The following TNIK variants were observed in gnomAD, a reference collection of about 807,000 sequenced individuals.
TNIK encodes TRAF2 and NCK interacting kinase, also known as TRAF2 and NCK-interacting protein kinase.
In TNIK, 49 loss-of-function variants were observed where a neutral mutation model predicts 191.3. The ratio of observed to expected loss-of-function variants is 0.26; its 90% CI spans 0.20 to 0.32. The LOEUF is 0.32. Among genes scored for constraint, TNIK ranks in the 10% least tolerant of loss-of-function variants. TNIK has a pLI of 1.00. For synonymous variants in TNIK, 594 were observed against 600.9 expected (o/e 0.99, Z 0.17); for missense variants, 1,155 against 1,702.3 (o/e 0.68, Z 5.66).
intron 2 of TNIK, among the ~76,000 whole-genome samples, chr3:171,340,267 A>G (rs1757386270): frequency 6.6e-6 from 1 of 152,200 alleles, no homozygotes; most frequent in Non-Finnish European, 1.5e-5. Context: ...TCATTTTTCT[A>G]CATATTTCTA....
chr3:171,092,149 T>G (rs1175284249), intron 23 of TNIK, among the ~76,000 whole-genome samples: 2 of 151,920 alleles, frequency 1.3e-5, no homozygotes, highest in East Asian at 3.9e-4. Flanking sequence ...GGGATTTCAC[T>G]GTGTTAGCCA....
At chr3:171,449,323 G>A (rs1450617103) in intron 1 of TNIK, among the ~76,000 whole-genome samples, 6 of 152,112 alleles carry the variant, frequency 3.9e-5, no homozygotes, top group Non-Finnish European at 8.8e-5. Context: ...TTGAGGAATC[G>A]CCACACCGTC....
Position 171,157,492 on chromosome 3 carries a change from C to T in TNIK, c.1189G>A (p.Glu397Lys), listed in dbSNP as rs867528587. The part of the protein sequence containing the change: ...LLAERQKRIE[E>K]QKEQRRRLEE... ...AGCCGCCGCCTCTGCTCTTTCTGCT[C>T]CTCGATGCGCTTCTGACGCTCGGCC... Residue 397 changes from glutamate to lysine, a missense_variant, in exon 12 of 33, where the codon GAG becomes AAG. Transcript: ENST00000436636. 1 of 1,574,150 alleles carries T rather than the reference C, an allele frequency of 6.4e-7. No individual in the cohort carries two copies. The highest frequency in any genetic ancestry group is 8.6e-7 in the Non-Finnish European group (1 of 1,160,368).
intron 12 of TNIK, among the ~76,000 whole-genome samples, chr3:171,155,470 G>A (rs891900794): frequency 1.3e-5 from 2 of 152,266 alleles, no homozygotes; most frequent in Admixed American, 1.3e-4. Context: ...CTTCTGGTAT[G>A]GAGCCAAGGC....
At position 171,228,019 on chromosome 3, in the gene TNIK, C is replaced by G. The variant is rs1405976210; in HGVS notation, c.180+146G>C. On this transcript the variant is annotated intron_variant, in intron 3 of 32. Coordinates refer to ENST00000436636, the MANE Select transcript of TNIK (RefSeq NM_015028.4). ...CATGTTTAAGGTAGGCTAGGCTAAG[C>G]TATGATGTTCAACAGGTTATGTGTA... 1.4e-5 allele frequency: 12 copies of G among 888,746 alleles called. No individual in the cohort carries two copies. The Admixed American group carries it at 2.7e-4, about 20-fold the overall frequency. 55.1% of individuals were successfully genotyped at this position (888,746 alleles called of 1,614,324 possible).
chr3:171,145,483 C>T (rs78542083), intron 12 of TNIK, among the ~76,000 whole-genome samples: 2,536 of 152,204 alleles, frequency 0.017, 61 homozygotes, highest in African/African-American at 0.052. Context: ...AGTTTTGATC[C>T]TCCCTATGAA....
chr3:171,324,098 G>A (rs1755480408), intron 2 of TNIK, among the ~76,000 whole-genome samples: 1 of 150,748 alleles, frequency 6.6e-6, no homozygotes, highest in Non-Finnish European at 1.5e-5. Flanking sequence ...TACTGGCAGT[G>A]ACAGCTGGTC....
intron 26 of TNIK, 124 bp downstream of exon 26, chr3:171,084,031 C>T: frequency 1.6e-6 from 2 of 1,289,560 alleles, no homozygotes; most frequent in South Asian, 1.9e-5. Context: ...CAAGTTAGGT[C>T]TCTAATACCC....
intron 2 of TNIK, among the ~76,000 whole-genome samples, chr3:171,268,296 C>T (rs1258164377): frequency 6.6e-6 from 1 of 152,104 alleles, no homozygotes; most frequent in Non-Finnish European, 1.5e-5. Context: ...AATCCCTCAC[C>T]TTTGCTATGT....
intron 1 of TNIK, among the ~76,000 whole-genome samples, chr3:171,452,729 AACACACACAC>A (rs10602125): frequency 0.19 from 26,779 of 142,528 alleles, 2,390 homozygotes; most frequent in African/African-American, 0.23. Context: ...ACACACTCCA[AACACACACAC>A]ACACACACAC....
At chr3:171,400,763 G>A (rs1444763713) in intron 1 of TNIK, among the ~76,000 whole-genome samples, 1 of 152,114 alleles carries the variant, frequency 6.6e-6, no homozygotes, top group Non-Finnish European at 1.5e-5. Context: ...ACTAGGAGTG[G>A]ATGGTGTCAC....
intron 2 of TNIK, among the ~76,000 whole-genome samples, chr3:171,273,684 A>C (rs1017828232): frequency 6.6e-5 from 10 of 152,192 alleles, no homozygotes; most frequent in African/African-American, 2.4e-4. Flanking sequence ...TAACTCTGAG[A>C]GTCTCAAAAC....
chr3:171,260,899 C>T (rs1220703332), intron 2 of TNIK, among the ~76,000 whole-genome samples: 2 of 152,088 alleles, frequency 1.3e-5, no homozygotes, highest in Admixed American at 6.5e-5. Context: ...CACAAGATAA[C>T]GAGGGTTATT....
At chr3:171,200,017 A>G (rs1026311510) in intron 4 of TNIK, among the ~76,000 whole-genome samples, 3 of 152,228 alleles carry the variant, frequency 2.0e-5, no homozygotes, top group Non-Finnish European at 4.4e-5. Flanking sequence ...TAAAACCTCT[A>G]TTAATGAAAA....
intron 18 of TNIK, among the ~76,000 whole-genome samples, chr3:171,120,496 T>C (rs1576881269): frequency 6.6e-6 from 1 of 152,222 alleles, no homozygotes; most frequent in African/African-American, 2.4e-5. Context: ...AATTTTTGTA[T>C]TTTTAGTAGA....
chr3:171,237,555 A>G (rs1744431115), intron 2 of TNIK, among the ~76,000 whole-genome samples: 2 of 152,086 alleles, frequency 1.3e-5, no homozygotes, highest in South Asian at 2.1e-4. Context: ...TCTCCTCTGT[A>G]AGAATGTGTA....
intron 1 of TNIK, among the ~76,000 whole-genome samples, chr3:171,426,752 C>G (rs976360599): frequency 6.6e-6 from 1 of 152,054 alleles, no homozygotes. Flanking sequence ...ACTGTCAACC[C>G]GTCTTTACTT....
chr3:171,099,424 T>C (rs1723153694), intron 22 of TNIK, among the ~76,000 whole-genome samples: 1 of 151,926 alleles, frequency 6.6e-6, no homozygotes, highest in Admixed American at 6.6e-5. Flanking sequence ...GAATTGGCTA[T>C]ACACTCTTCA....
intron 7 of TNIK, among the ~76,000 whole-genome samples, chr3:171,185,584 C>T (rs926975673): frequency 6.6e-6 from 1 of 152,044 alleles, no homozygotes; most frequent in Non-Finnish European, 1.5e-5. Context: ...GCCAGCACAC[C>T]CGGCAAATGA....
Sources: gnomAD v4.1 joint callset for allele counts (sites outside exome capture counted in the v4.1 genomes callset) on GRCh38, gnomAD v4.1.1 for gene constraint, MANE v1.5 for transcripts, NCBI Gene and HGNC (gene_info 2026-07-23, HGNC 2026-07-21) for gene names.